The following LRRC4C variants were observed in gnomAD, a reference collection of about 807,000 sequenced individuals.
LRRC4C encodes leucine rich repeat containing 4C, also known as leucine-rich repeat-containing protein 4C.
LRRC4C carries 5 observed loss-of-function variants against 33.6 expected under a neutral mutation model. The ratio of observed to expected loss-of-function variants is 0.15; its 90% CI spans 0.08 to 0.31. The LOEUF (loss-of-function observed/expected upper bound fraction) is 0.31, where lower values mean the gene tolerates loss of function less well. Among genes scored for constraint, LRRC4C ranks in the 10% least tolerant of loss-of-function variants. LRRC4C has a pLI of 1.00. For synonymous variants in LRRC4C, 329 were observed against 302.0 expected (o/e 1.09, Z -0.93); for missense variants, 560 against 796.7 (o/e 0.70, Z 3.58).
chr11:41,268,694 A>G (rs1277608897), intron 1 of LRRC4C, among the ~76,000 whole-genome samples: 1 of 152,226 alleles, frequency 6.6e-6, no homozygotes, highest in Non-Finnish European at 1.5e-5. Context: ...ATACCAACAA[A>G]TCATATTTGG....
At chr11:40,247,049 C>G (rs555931286) in intron 4 of LRRC4C, among the ~76,000 whole-genome samples, 19 of 152,084 alleles carry the variant, frequency 1.2e-4, no homozygotes. Flanking sequence ...TTTCCTCTAT[C>G]TAAACTAATC....
chr11:41,050,306 G>C (rs1481009307), intron 1 of LRRC4C, among the ~76,000 whole-genome samples: 1 of 152,126 alleles, frequency 6.6e-6, no homozygotes, highest in African/African-American at 2.4e-5. Flanking sequence ...TTACATGAGA[G>C]TTGATGAAAA....
intron 3 of LRRC4C, among the ~76,000 whole-genome samples, chr11:40,530,412 T>C (rs1956226878): frequency 6.6e-6 from 1 of 151,994 alleles, no homozygotes; most frequent in South Asian, 2.1e-4. Flanking sequence ...AAACTCTCCC[T>C]TTACATACTA....
intron 2 of LRRC4C, among the ~76,000 whole-genome samples, chr11:40,718,507 T>C (rs914233012): frequency 6.6e-6 from 1 of 152,140 alleles, no homozygotes; most frequent in Non-Finnish European, 1.5e-5. Flanking sequence ...AGGAATTTAC[T>C]CCATGCATAG....
At chr11:40,493,065 A>G (rs1404202765) in intron 3 of LRRC4C, among the ~76,000 whole-genome samples, 3 of 151,294 alleles carry the variant, frequency 2.0e-5, no homozygotes, top group Admixed American at 6.6e-5. Context: ...TGGTTACCAT[A>G]TTTAATATAT....
chr11:40,222,846 A>C (rs1200299985), intron 5 of LRRC4C, among the ~76,000 whole-genome samples: 4 of 144,082 alleles, frequency 2.8e-5, no homozygotes, highest in South Asian at 2.1e-4. Context: ...TGTTTTTAGG[A>C]GGTAATAATA....
chr11:40,499,009 C>T (rs545741777), intron 3 of LRRC4C, among the ~76,000 whole-genome samples: 1 of 152,188 alleles, frequency 6.6e-6, no homozygotes, highest in South Asian at 2.1e-4. Flanking sequence ...TTTCATTGTA[C>T]ATTAATTTTG....
intron 2 of LRRC4C, among the ~76,000 whole-genome samples, chr11:40,844,203 C>G (rs1953049869): frequency 6.6e-6 from 1 of 150,724 alleles, no homozygotes; most frequent in African/African-American, 2.4e-5. Flanking sequence ...CTAACCTGCA[C>G]GTTGTGCACA....
chr11:40,889,850 C>A (rs4612792), intron 2 of LRRC4C, among the ~76,000 whole-genome samples: 11,007 of 152,044 alleles, frequency 0.072, 506 homozygotes, highest in Admixed American at 0.16. Flanking sequence ...AGATCTACTT[C>A]ATATATATAT....
chr11:41,148,208 G>A (rs1354300659), intron 1 of LRRC4C, among the ~76,000 whole-genome samples: 1 of 151,752 alleles, frequency 6.6e-6, no homozygotes, highest in East Asian at 2.0e-4. Context: ...GTAGAGACGG[G>A]GTTTCATCAT....
At chr11:40,689,040 A>AT (rs979838229) in intron 2 of LRRC4C, among the ~76,000 whole-genome samples, 114 of 150,396 alleles carry the variant, frequency 7.6e-4, no homozygotes, top group Middle Eastern at 3.4e-3. Flanking sequence ...AAACACTATT[A>AT]TTTTTTTTTT....
At chr11:40,557,624 A>G (rs1235291501) in intron 3 of LRRC4C, among the ~76,000 whole-genome samples, 2 of 152,128 alleles carry the variant, frequency 1.3e-5, no homozygotes. Context: ...TGGTATGTCT[A>G]TTCTCAAGAT....
At chr11:41,135,293 G>A (rs1047666606) in intron 1 of LRRC4C, among the ~76,000 whole-genome samples, 1 of 151,928 alleles carries the variant, frequency 6.6e-6, no homozygotes, top group Non-Finnish European at 1.5e-5. Context: ...AATAGGGGAG[G>A]GGCAAAACAA....
chr11:40,794,463 T>C (rs770209792), intron 2 of LRRC4C, among the ~76,000 whole-genome samples: 19 of 150,440 alleles, frequency 1.3e-4, no homozygotes, highest in African/African-American at 2.7e-4. Context: ...TTCAAGGAGA[T>C]ATACTAGCCA....
chr11:40,241,946 G>T (rs1252234426), intron 4 of LRRC4C: 1 of 152,102 alleles, frequency 6.6e-6, no homozygotes, highest in East Asian at 1.9e-4. Flanking sequence ...TGAGGATCTG[G>T]TGACTCCTTC....
Position 41,084,722 on chromosome 11 carries a change from A to C in LRRC4C, c.-495-150999T>G, listed in dbSNP as rs570549058. Reference sequence around the variant, plus strand: ...AAATTAGCTGGGTGTGGTGGTGGGCATCTGTAAACCCAGCTACTCAAGAGG... The same window carrying C: ...AAATTAGCTGGGTGTGGTGGTGGGCCTCTGTAAACCCAGCTACTCAAGAGG... On this transcript the variant is annotated intron_variant, in intron 1 of 6. Coordinates refer to ENST00000528697, the MANE Select transcript of LRRC4C (RefSeq NM_001258419.2). Among the ~76,000 whole-genome samples, 6 of 152,200 alleles carry C rather than the reference A, an allele frequency of 3.9e-5. No homozygotes were observed. In the South Asian group the frequency reaches 1.2e-3, roughly 32 times the overall value.
intron 1 of LRRC4C, among the ~76,000 whole-genome samples, chr11:40,970,534 T>C (rs930113742): frequency 2.0e-5 from 3 of 152,242 alleles, no homozygotes; most frequent in South Asian, 2.1e-4. Context: ...TATTTCTTCA[T>C]AGTAATGTGA....
chr11:40,937,945 C>A (rs1957978505), intron 1 of LRRC4C, among the ~76,000 whole-genome samples: 1 of 152,106 alleles, frequency 6.6e-6, no homozygotes, highest in Non-Finnish European at 1.5e-5. Flanking sequence ...GTGTGAGCTC[C>A]TGCACCCAGC....
At chr11:40,226,927 G>T (rs1297293964) in intron 5 of LRRC4C, among the ~76,000 whole-genome samples, 2 of 152,204 alleles carry the variant, frequency 1.3e-5, no homozygotes, top group East Asian at 1.9e-4. Context: ...TTTACAAAGA[G>T]TCTTTTATCT....
Sources: gnomAD v4.1 joint callset for allele counts (sites outside exome capture counted in the v4.1 genomes callset) on GRCh38, gnomAD v4.1.1 for gene constraint, MANE v1.5 for transcripts, NCBI Gene and HGNC (gene_info 2026-07-23, HGNC 2026-07-21) for gene names.